The following ARMC2 variants were observed in gnomAD, a reference collection of about 807,000 sequenced individuals.
ARMC2 encodes armadillo repeat-containing protein 2.
ARMC2 carries 67 observed loss-of-function variants against 90.3 expected under a neutral mutation model. The observed-to-expected ratio is 0.74, with a 90% CI of 0.61 to 0.91. The LOEUF (loss-of-function observed/expected upper bound fraction) is 0.91, where lower values mean the gene tolerates loss of function less well. Among genes scored for constraint, ARMC2 ranks in the 40% least tolerant of loss-of-function variants. The pLI is 0.00. For missense variants in ARMC2, 920 were observed against 1,030.9 expected (o/e 0.89, Z 1.47); for synonymous variants, 393 against 393.0 (o/e 1.00, Z 0.00).
chr6:108,923,407 G>A (rs1226565255), intron 10 of ARMC2, among the ~76,000 whole-genome samples: 2 of 152,020 alleles, frequency 1.3e-5, no homozygotes, highest in African/African-American at 4.8e-5. Flanking sequence ...TCTTGAGGGT[G>A]GGAAATAAAG....
chr6:108,871,146 T>C (rs1213397557), intron 4 of ARMC2, among the ~76,000 whole-genome samples: 1 of 152,084 alleles, frequency 6.6e-6, no homozygotes, highest in Non-Finnish European at 1.5e-5. Flanking sequence ...GTGCTGGTGG[T>C]GGAGGACCTG....
the ARMC2 span, among the ~76,000 whole-genome samples, chr6:109,006,651 T>G: frequency 6.6e-6 from 1 of 152,188 alleles, no homozygotes; most frequent in African/African-American, 2.4e-5. Flanking sequence ...CTTGATACCT[T>G]GGAGATTCTT....
At chr6:109,038,509 AAAC>A in the ARMC2 span, among the ~76,000 whole-genome samples, 1 of 152,204 alleles carries the variant, frequency 6.6e-6, no homozygotes, top group Non-Finnish European at 1.5e-5. Context: ...AAAAAACAAA[AAAC>A]AACACAAGTC....
At chr6:108,852,826 T>C (rs182078260) in intron 1 of ARMC2, among the ~76,000 whole-genome samples, 66 of 152,304 alleles carry the variant, frequency 4.3e-4, no homozygotes, top group Middle Eastern at 6.8e-3. Flanking sequence ...GCAATAGGTC[T>C]TTTAGAAACA....
intron 10 of ARMC2, among the ~76,000 whole-genome samples, chr6:108,915,629 G>A (rs1408329634): frequency 1.3e-5 from 2 of 152,344 alleles, no homozygotes; most frequent in East Asian, 3.9e-4. Context: ...AAAGGGAAAA[G>A]GATGTTGAAC....
At chr6:109,032,170 G>T in the ARMC2 span, among the ~76,000 whole-genome samples, 1 of 152,196 alleles carries the variant, frequency 6.6e-6, no homozygotes, top group African/African-American at 2.4e-5. Flanking sequence ...TATTCGGGAG[G>T]TTGAGGCAGG....
At chr6:108,994,606 T>G in the ARMC2 span, 18 of 1,608,372 alleles carry the variant, frequency 1.1e-5, no homozygotes, top group African/African-American at 1.6e-4. Flanking sequence ...AAAGAATCAC[T>G]TACCTGAAGA....
chr6:109,016,456 C>T, the ARMC2 span, among the ~76,000 whole-genome samples: 1 of 152,252 alleles, frequency 6.6e-6, no homozygotes, highest in Non-Finnish European at 1.5e-5. Context: ...CTGCCTTCTT[C>T]AGAGGTCTCT....
chr6:109,046,655 CG>C, the ARMC2 span, among the ~76,000 whole-genome samples: 1 of 137,854 alleles, frequency 7.3e-6, no homozygotes, highest in Non-Finnish European at 1.6e-5. Flanking sequence ...TCTTCCCAGC[CG>C]CCATCACATC....
chr6:108,909,422 G>A (rs1423910453), intron 8 of ARMC2, among the ~76,000 whole-genome samples: 3 of 150,906 alleles, frequency 2.0e-5, no homozygotes, highest in Admixed American at 2.0e-4. Flanking sequence ...TAGACCATTT[G>A]ATTCCGTCAG....
At chr6:108,879,820 C>T in intron 5 of ARMC2, 2 of 428,508 alleles carry the variant, frequency 4.7e-6, no homozygotes, top group Non-Finnish European at 9.4e-6. Context: ...TCTCTCTCAG[C>T]CACTTGATTT....
chr6:108,994,598 A>T, the ARMC2 span: 1 of 1,611,526 alleles, frequency 6.2e-7, no homozygotes, highest in Non-Finnish European at 8.5e-7. Flanking sequence ...CCTCAAAGAA[A>T]GAATCACTTA....
chr6:109,038,298 G>C, the ARMC2 span, among the ~76,000 whole-genome samples: 1 of 152,188 alleles, frequency 6.6e-6, no homozygotes, highest in Non-Finnish European at 1.5e-5. Context: ...TTCAAGACCA[G>C]CCTGGCCAAC....
intron 11 of ARMC2, among the ~76,000 whole-genome samples, chr6:108,929,409 C>G (rs1775351273): frequency 6.6e-6 from 1 of 152,090 alleles, no homozygotes; most frequent in Admixed American, 6.6e-5. Context: ...TTTGGTTTAT[C>G]CTCAGACCTG....
the ARMC2 span, among the ~76,000 whole-genome samples, chr6:108,999,734 T>C: frequency 2.6e-5 from 4 of 152,140 alleles, no homozygotes; most frequent in Non-Finnish European, 5.9e-5. Flanking sequence ...AAGGTAAACG[T>C]AGGCTTACCG....
In ARMC2 at chr6:108,879,717, G is replaced by T. The variant is rs142335595; in HGVS notation, c.671+3367G>T. 4.2e-3 allele frequency among the ~76,000 whole-genome samples: 638 copies of T among 152,202 alleles called. 3 individuals are homozygous for T. Among genetic ancestry groups the T allele is most frequent in the African/African-American group, 0.014 (598 of 41,524 alleles). ...TTCAAACTATCATGGTTTGGAAATGGGATCTTTAGGAGGAAAGCCCAAGAA... is the reference window on the plus strand; with the variant it reads ...TTCAAACTATCATGGTTTGGAAATGTGATCTTTAGGAGGAAAGCCCAAGAA... On this transcript the variant is annotated intron_variant, in intron 5 of 17. Transcript: ENST00000392644.
chr6:108,928,290 G>T, intron 11 of ARMC2, 57 bp downstream of exon 11: 1 of 1,392,262 alleles, frequency 7.2e-7, no homozygotes, highest in Non-Finnish European at 9.4e-7. Context: ...TAGATTTGGG[G>T]TTATCTTTAA....
chr6:108,989,129 A>AG, the ARMC2 span, among the ~76,000 whole-genome samples: 1 of 152,062 alleles, frequency 6.6e-6, no homozygotes, highest in Non-Finnish European at 1.5e-5. Context: ...CAGCCTCCCG[A>AG]GAAGCTAGGA....
intron 1 of ARMC2, among the ~76,000 whole-genome samples, chr6:108,852,219 C>T (rs1159270467): frequency 6.6e-6 from 1 of 152,054 alleles, no homozygotes. Flanking sequence ...CCCCCAAAGC[C>T]CCACTTCTAA....
Sources: gnomAD v4.1 joint callset for allele counts (sites outside exome capture counted in the v4.1 genomes callset) on GRCh38, gnomAD v4.1.1 for gene constraint, MANE v1.5 for transcripts, NCBI Gene and HGNC (gene_info 2026-07-23, HGNC 2026-07-21) for gene names.